IGFL2: variants seen among roughly 807,000 people sequenced by gnomAD.
The protein encoded by IGFL2 is IGF like family member 2.
In IGFL2, 7 loss-of-function variants were observed where a neutral mutation model predicts 13.9. The ratio of observed to expected loss-of-function variants is 0.51; its 90% CI spans 0.29 to 0.95. The LOEUF (loss-of-function observed/expected upper bound fraction) is 0.95, where lower values mean the gene tolerates loss of function less well. IGFL2 is among the 40% of genes least tolerant of loss of function. The pLI is 0.08. For synonymous variants in IGFL2, 55 were observed against 55.8 expected (o/e 0.99, Z 0.07); for missense variants, 138 against 147.8 (o/e 0.93, Z 0.34).
chr19:46,110,859 T>A, the IGFL2 span, among the ~76,000 whole-genome samples: 2 of 152,244 alleles, frequency 1.3e-5, no homozygotes, highest in African/African-American at 4.8e-5. Context: ...GTAATTTAAA[T>A]AAGTTATTTT....
At chr19:46,212,124 A>C in the IGFL2 span, 1 of 152,016 alleles carries the variant, frequency 6.6e-6, no homozygotes, top group African/African-American at 2.4e-5. Context: ...AGCACGTCCT[A>C]ATCTGTGTCC....
chr19:46,151,844 G>T (rs1388926046), intron 1 of IGFL2, among the ~76,000 whole-genome samples: 1 of 152,124 alleles, frequency 6.6e-6, no homozygotes, highest in African/African-American at 2.4e-5. Context: ...CCTGTGAGGC[G>T]GAGGTTGCAG....
At chr19:46,169,030 C>T in the IGFL2 span, among the ~76,000 whole-genome samples, 14 of 151,418 alleles carry the variant, frequency 9.2e-5, no homozygotes, top group Non-Finnish European at 5.9e-5. Flanking sequence ...ATAGTGGGAC[C>T]CTAGCTCCAC....
the IGFL2 span, among the ~76,000 whole-genome samples, chr19:46,191,112 A>T: frequency 6.6e-6 from 1 of 152,156 alleles, no homozygotes; most frequent in African/African-American, 2.4e-5. Context: ...TATGTTAGAG[A>T]TATCTCACCT....
the IGFL2 span, among the ~76,000 whole-genome samples, chr19:46,168,652 C>T: frequency 1.3e-5 from 2 of 152,186 alleles, no homozygotes; most frequent in African/African-American, 4.8e-5. Flanking sequence ...TTTGTATCAA[C>T]CCCACTGCTT....
At chr19:46,160,972 G>A (rs750882975) in intron 3 of IGFL2, 91 bp downstream of exon 3, 2 of 1,540,692 alleles carry the variant, frequency 1.3e-6, no homozygotes, top group Admixed American at 1.8e-5. Flanking sequence ...CTTTTGAAGA[G>A]CCCTGGCCCT....
chr19:46,105,896 G>T, the IGFL2 span, among the ~76,000 whole-genome samples: 1 of 152,140 alleles, frequency 6.6e-6, no homozygotes, highest in Non-Finnish European at 1.5e-5. Flanking sequence ...TCAGCTGTGT[G>T]TAATGAAAAG....
the IGFL2 span, chr19:46,190,437 G>A: frequency 6.6e-6 from 1 of 152,234 alleles, no homozygotes; most frequent in African/African-American, 2.4e-5. Context: ...AAGTACCAGA[G>A]TCCTTGAGCA....
the IGFL2 span, among the ~76,000 whole-genome samples, chr19:46,104,269 A>C: frequency 6.6e-6 from 1 of 152,150 alleles, no homozygotes; most frequent in East Asian, 1.9e-4. Flanking sequence ...TCTAATTCTG[A>C]GAAGGGCAAG....
upstream of IGFL2, among the ~76,000 whole-genome samples, chr19:46,147,537 A>T (rs899438250): frequency 1.3e-5 from 2 of 152,220 alleles, no homozygotes; most frequent in Non-Finnish European, 2.9e-5. Context: ...CTGCAACAAA[A>T]TGCAGTGAGA....
the IGFL2 span, among the ~76,000 whole-genome samples, chr19:46,180,220 G>C: frequency 7.6e-3 from 1,114 of 146,264 alleles, 18 homozygotes; most frequent in African/African-American, 0.025. Context: ...CCTCTGTTGC[G>C]CAGGCTGGAG....
At chr19:46,176,800 C>T in the IGFL2 span, among the ~76,000 whole-genome samples, 1 of 152,180 alleles carries the variant, frequency 6.6e-6, no homozygotes, top group East Asian at 1.9e-4. Context: ...AGCCTGTTGC[C>T]CATGCTGCTT....
At chr19:46,185,606 G>A in the IGFL2 span, among the ~76,000 whole-genome samples, 19 of 152,206 alleles carry the variant, frequency 1.2e-4, 1 homozygote, top group Admixed American at 1.2e-3. Context: ...TTGGATGTGA[G>A]GAGACCTGGT....
upstream of IGFL2, among the ~76,000 whole-genome samples, chr19:46,139,800 AAC>A (rs1972773534): frequency 1.3e-5 from 2 of 152,190 alleles, no homozygotes; most frequent in African/African-American, 4.8e-5. Flanking sequence ...CAATACAACT[AAC>A]ACACATAACC....
At chr19:46,205,815 G>A in the IGFL2 span, among the ~76,000 whole-genome samples, 33 of 152,262 alleles carry the variant, frequency 2.2e-4, 2 homozygotes, top group East Asian at 5.4e-3. Context: ...CAAGTGGGCC[G>A]TTAAACACGT....
chr19:46,201,766 C>G, the IGFL2 span, among the ~76,000 whole-genome samples: 1 of 152,198 alleles, frequency 6.6e-6, no homozygotes, highest in East Asian at 1.9e-4. Context: ...GTGAAGGAGG[C>G]TTTAGGTTGG....
the IGFL2 span, among the ~76,000 whole-genome samples, chr19:46,127,937 T>C: frequency 1.3e-5 from 2 of 152,214 alleles, no homozygotes; most frequent in Non-Finnish European, 2.9e-5. Context: ...TTTAACAATA[T>C]TGATTCTTCC....
the IGFL2 span, among the ~76,000 whole-genome samples, chr19:46,122,668 G>A: frequency 6.6e-6 from 1 of 150,768 alleles, no homozygotes; most frequent in African/African-American, 2.5e-5. Flanking sequence ...AGTTACATTC[G>A]GTTACTGTCA....
the IGFL2 span, among the ~76,000 whole-genome samples, chr19:46,118,052 C>T: frequency 9.2e-5 from 14 of 151,992 alleles, no homozygotes; most frequent in Non-Finnish European, 1.8e-4. Flanking sequence ...TTTTGCCATC[C>T]CCACAGCCCT....
Sources: gnomAD v4.1 joint callset for allele counts (sites outside exome capture counted in the v4.1 genomes callset) on GRCh38, gnomAD v4.1.1 for gene constraint, MANE v1.5 for transcripts, NCBI Gene and HGNC (gene_info 2026-07-23, HGNC 2026-07-21) for gene names.